PITPNM3: variants seen among roughly 807,000 people sequenced by gnomAD.
The protein encoded by PITPNM3 is membrane-associated phosphatidylinositol transfer protein 3.
In PITPNM3, 26 loss-of-function variants were observed where a neutral mutation model predicts 102.0. That is an observed-to-expected ratio of 0.25 (90% CI 0.19 to 0.35). The LOEUF (loss-of-function observed/expected upper bound fraction) is 0.35, where lower values mean the gene tolerates loss of function less well. PITPNM3 is among the 10% of genes least tolerant of loss of function. The pLI, the probability that PITPNM3 is intolerant of heterozygous loss-of-function variation, is 1.00. For synonymous variants in PITPNM3, 578 were observed against 558.6 expected (o/e 1.03, Z -0.49); for missense variants, 1,083 against 1,346.1 (o/e 0.80, Z 3.06).
At position 6,478,056 on chromosome 17, in the gene PITPNM3, G is replaced by A. The variant is rs572651137; in HGVS notation, c.819C>T (p.Phe273=). ...IGDCVGGLLA[F]DAICYSAGPS... ...GCCCCGCACTGTAGCAGATGGCATC[G>A]AAGGCCAGGAGGCCCCCCACACAGT... Residue 273 remains phenylalanine, a synonymous_variant, in exon 8 of 20, where the codon TTC becomes TTT. Coordinates refer to ENST00000262483, the MANE Select transcript of PITPNM3 (RefSeq NM_031220.4). This position sits in a 1 kb window ranked among gnomAD's most constrained non-coding sequence, Gnocchi z 4.4. 29 of 1,613,700 alleles carry A rather than the reference G, an allele frequency of 1.8e-5. No individual in the cohort carries two copies. The Middle Eastern group carries it at 9.9e-4, about 55-fold the overall frequency.
At chr17:6,520,805 A>C (rs950871619) in intron 3 of PITPNM3, among the ~76,000 whole-genome samples, 1 of 152,254 alleles carries the variant, frequency 6.6e-6, no homozygotes, top group Non-Finnish European at 1.5e-5. Flanking sequence ...CTCAGCCCCC[A>C]AAATGGAATA....
chr17:6,516,302 G>A (rs1454074872), intron 3 of PITPNM3, among the ~76,000 whole-genome samples: 1 of 152,202 alleles, frequency 6.6e-6, no homozygotes, highest in African/African-American at 2.4e-5. Context: ...CGTGGCTCAT[G>A]CCTGTAATCC....
At position 6,469,604 on chromosome 17, in the gene PITPNM3, G is replaced by A. The variant is rs1904959450; in HGVS notation, c.1773+656C>T. Among the ~76,000 whole-genome samples, 1 of 152,254 alleles carries A rather than the reference G, an allele frequency of 6.6e-6. No homozygotes were observed. Among genetic ancestry groups the A allele is most frequent in the South Asian group, 2.1e-4 (1 of 4,824 alleles). On this transcript the variant is annotated intron_variant, in intron 13 of 19. Transcript: ENST00000262483. This position sits in a 1 kb window ranked among gnomAD's most constrained non-coding sequence, Gnocchi z 4.0. The stretch of plus-strand genomic sequence containing the variant: ...CGTAATGCAAATCTTGCCACTCTGT[G>A]GCACCTCCACCCCCTGTCCTACTCC...
intron 4 of PITPNM3, among the ~76,000 whole-genome samples, chr17:6,497,206 G>T (rs906951637): frequency 2.0e-5 from 3 of 152,172 alleles, no homozygotes; most frequent in African/African-American, 7.2e-5. Context: ...GGGGCTTCAC[G>T]CATCCTGTCT....
At chr17:6,463,277 A>G (rs1174204330) in intron 17 of PITPNM3, among the ~76,000 whole-genome samples, 1 of 152,086 alleles carries the variant, frequency 6.6e-6, no homozygotes. Flanking sequence ...GTCCTGGGTT[A>G]CAGTTTCTCA....
intron 4 of PITPNM3, among the ~76,000 whole-genome samples, chr17:6,489,500 G>GGCCCAGGTCACCA (rs60136731): frequency 0.74 from 110,723 of 150,382 alleles, 40,906 homozygotes; most frequent in Middle Eastern, 0.85. Context: ...TGCCTAAACC[G>GGCCCAGGTCACCA]GCCCAGGTCA....
intron 3 of PITPNM3, among the ~76,000 whole-genome samples, chr17:6,504,903 G>A (rs551174900): frequency 4.6e-5 from 7 of 152,198 alleles, no homozygotes; most frequent in Admixed American, 3.9e-4. Flanking sequence ...GGCTAGGCAC[G>A]GTGGCTCATG....
rs1281067159 is a variant in PITPNM3, at chr17:6,484,291, T to C, written c.276A>G (p.Arg92=). 6.2e-7 allele frequency: 1 copy of C among 1,603,512 alleles called. No homozygotes were observed. Among genetic ancestry groups the C allele is most frequent in the South Asian group, 1.1e-5 (1 of 90,832 alleles). The change falls in exon 5 of 20, where the codon CGA becomes CGG. Residue 92 remains arginine, a splice_region_variant and synonymous_variant. Transcript: ENST00000262483. The part of the protein sequence containing the change: ...CTSSILQEKQ[R]ELYRVSLRRQ... ...TTCTCAAGGAAACCCGGTACAGTTC[T>C]CCTGCAGAGGGAAAGAGGGGAGCTC...
intron 1 of PITPNM3, among the ~76,000 whole-genome samples, chr17:6,538,802 C>A (rs949186452): frequency 1.3e-5 from 2 of 152,202 alleles, no homozygotes; most frequent in Non-Finnish European, 2.9e-5. Flanking sequence ...ACCTGGCCCA[C>A]AGTAACTGAC....
chr17:6,488,360 G>T (rs1906224160), intron 4 of PITPNM3, among the ~76,000 whole-genome samples: 1 of 151,968 alleles, frequency 6.6e-6, no homozygotes, highest in African/African-American at 2.4e-5. Context: ...CTGCTCAATG[G>T]CTATCACCTC....
chr17:6,465,276 C>T (rs765222913), intron 14 of PITPNM3, among the ~76,000 whole-genome samples: 1 of 152,042 alleles, frequency 6.6e-6, no homozygotes, highest in Non-Finnish European at 1.5e-5. Flanking sequence ...GAACTCCCGA[C>T]CTCAGGTGAT....
rs1904984440 is a variant in PITPNM3, at chr17:6,470,003, C to T, written c.1773+257G>A. On this transcript the variant is annotated intron_variant, in intron 13 of 19. Transcript: ENST00000262483. The surrounding 1 kb of genome is among the most constrained non-coding windows in gnomAD (Gnocchi z 4.8). ...GTCTCCAAGTTGAAACACTGGGACA[C>T]TCTCCTGCGTAGTTTATATTTAATT... Among the ~76,000 whole-genome samples, 1 of 152,204 alleles carries T rather than the reference C, an allele frequency of 6.6e-6. No homozygotes were observed. The highest frequency in any genetic ancestry group is 2.4e-5 in the African/African-American group (1 of 41,438).
chr17:6,455,212 C>CT lies in PITPNM3; in HGVS notation c.*125dup. On this transcript the variant is annotated 3_prime_UTR_variant, in exon 20 of 20. Coordinates refer to ENST00000262483, the MANE Select transcript of PITPNM3 (RefSeq NM_031220.4). ...GATCCCTCCCCGCTCTGGTCGGACACTGCTGGACAGACACGGGAGGGAAAA... is the reference window on the plus strand; with the variant it reads ...GATCCCTCCCCGCTCTGGTCGGACACTTGCTGGACAGACACGGGAGGGAAAA... The CT allele has an allele frequency of 7.8e-7, 1 of 1,280,814 alleles. No individual in the cohort carries two copies. Among genetic ancestry groups the CT allele is most frequent in the African/African-American group, 1.5e-5 (1 of 66,058 alleles). 79.3% of individuals were successfully genotyped at this position (1,280,814 alleles called of 1,614,324 possible).
rs1555550041 is a variant in PITPNM3, at chr17:6,453,002, T to TCTC, written c.*2335_*2336insGAG. The TCTC allele has an allele frequency of 8.4e-6, 1 of 118,880 alleles. No homozygotes were observed. Among genetic ancestry groups the TCTC allele is most frequent in the East Asian group, 3.9e-4 (1 of 2,544 alleles). 7.4% of individuals were successfully genotyped at this position (118,880 alleles called of 1,614,324 possible). ...CCTCTCTCTCTCTCTCTGTCTTCCTTTCTCTCTCTCTCTCTCTCTCTGCCT... is the reference window on the plus strand; with the variant it reads ...CCTCTCTCTCTCTCTCTGTCTTCCTTCTCTCTCTCTCTCTCTCTCTCTCTGCCT... On this transcript the variant is annotated 3_prime_UTR_variant, in exon 20 of 20. Transcript: ENST00000262483.
rs1908229456 is a variant in PITPNM3 at position 6,517,020 on chromosome 17, A to T, written c.226+8336T>A. On this transcript the variant is annotated intron_variant, in intron 3 of 19. Coordinates refer to ENST00000262483, the MANE Select transcript of PITPNM3 (RefSeq NM_031220.4). The surrounding 1 kb of genome is among the most constrained non-coding windows in gnomAD (Gnocchi z 4.1). ...AGGCCATGGAGGAATAGCTGCAGAGATAGTTGGGAACGTGATAATGGAGGC... is the reference window on the plus strand; with the variant it reads ...AGGCCATGGAGGAATAGCTGCAGAGTTAGTTGGGAACGTGATAATGGAGGC... 6.6e-6 allele frequency among the ~76,000 whole-genome samples: 1 copy of T among 152,242 alleles called. No individual in the cohort carries two copies. The highest frequency in any genetic ancestry group is 2.4e-5 in the African/African-American group (1 of 41,460).
At position 6,534,277 on chromosome 17, in the gene PITPNM3, C is replaced by A. The variant is rs1027497794; in HGVS notation, c.118+3710G>T. The stretch of plus-strand genomic sequence containing the variant: ...TCACTCCTGAGCCCCAGACCTGCCA[C>A]CTTAGCCAGAGGAGCTGGCACCCTG... On this transcript the variant is annotated intron_variant, in intron 2 of 19. Transcript: ENST00000262483. Among the ~76,000 whole-genome samples, 8 of 152,320 alleles carry A rather than the reference C, an allele frequency of 5.3e-5. No homozygotes were observed. The South Asian group carries it at 1.4e-3, about 28-fold the overall frequency.
intron 4 of PITPNM3, among the ~76,000 whole-genome samples, chr17:6,487,871 G>C (rs1243338377): frequency 1.3e-5 from 2 of 152,214 alleles, no homozygotes; most frequent in Non-Finnish European, 2.9e-5. Context: ...GCCAGAGACT[G>C]GGCAGGATTG....
chr17:6,541,286 A>AGAGTGTGTGTGTGTGTGT (rs1555561670), intron 1 of PITPNM3, among the ~76,000 whole-genome samples: 1 of 145,594 alleles, frequency 6.9e-6, no homozygotes, highest in African/African-American at 2.6e-5. Flanking sequence ...ATATGCTAAG[A>AGAGTGTGTGTGTGTGTGT]GTGTGTGTGT....
chr17:6,518,113 T>C (rs1050634019), intron 3 of PITPNM3, among the ~76,000 whole-genome samples: 1 of 152,122 alleles, frequency 6.6e-6, no homozygotes, highest in Non-Finnish European at 1.5e-5. Context: ...AAGAAAGAAT[T>C]TCAAAAAGAT....
Sources: gnomAD v4.1 joint callset for allele counts (sites outside exome capture counted in the v4.1 genomes callset) on GRCh38, gnomAD v4.1.1 for gene constraint, Gnocchi (gnomAD v3.1) non-coding constraint, MANE v1.5 for transcripts, NCBI Gene and HGNC (gene_info 2026-07-23, HGNC 2026-07-21) for gene names.